Variants in CACNA1C observed in about 807,000 individuals in gnomAD.
The protein encoded by CACNA1C is calcium voltage-gated channel subunit alpha1 C, also known as voltage-dependent L-type calcium channel subunit alpha-1C.
In CACNA1C, 30 loss-of-function variants were observed where a neutral mutation model predicts 229.0. That is an observed-to-expected ratio of 0.13 (90% CI 0.10 to 0.18). CACNA1C has a LOEUF of 0.18. Among genes scored for constraint, CACNA1C ranks in the 10% least tolerant of loss-of-function variants. CACNA1C has a pLI of 1.00. For missense variants in CACNA1C, 1,658 were observed against 2,845.0 expected (o/e 0.58, Z 9.49); for synonymous variants, 1,114 against 1,132.5 (o/e 0.98, Z 0.33).
rs114980756 is a variant in CACNA1C, at chr12:2,463,331, A to G, written c.757+5625A>G. 5.9e-3 allele frequency among the ~76,000 whole-genome samples: 904 copies of G among 152,354 alleles called. 9 individuals carry two copies. Among genetic ancestry groups the G allele is most frequent in the African/African-American group, 0.02 (828 of 41,582 alleles). On this transcript the variant is annotated intron_variant, in intron 5 of 46. Transcript: ENST00000399655. ...CCATGAGTCATTTATCAATTTGTTC[A>G]ACAAAATCGACTGAGTACTTACTTT...
In CACNA1C at chr12:2,258,423, G is replaced by GATTT. The variant is rs1566726914; in HGVS notation, c.477+137993_477+137994insATTT. ...TTTTGAAAACTCATTTTTTCCTCAAGTTTTTTTTTTAAATGTGAAATTTTA... is the reference window on the plus strand; with the variant it reads ...TTTTGAAAACTCATTTTTTCCTCAAGATTTTTTTTTTTTTAAATGTGAAATTTTA... On this transcript the variant is annotated intron_variant, in intron 3 of 46. Transcript: ENST00000399655. Among the ~76,000 whole-genome samples the GATTT allele has an allele frequency of 8.4e-3, 1,260 of 149,708 alleles. 14 individuals are homozygous for GATTT. Among genetic ancestry groups the GATTT allele is most frequent in the African/African-American group, 0.03 (1,209 of 40,930 alleles).
intron 31 of CACNA1C, 113 bp downstream of exon 31, chr12:2,648,620 A>G: frequency 2.4e-6 from 2 of 849,286 alleles, no homozygotes; most frequent in South Asian, 1.4e-5. Context: ...CTCTCACTGC[A>G]TGTGGCCACT....
At chr12:2,470,917 C>T (rs550107926) in intron 5 of CACNA1C, among the ~76,000 whole-genome samples, 1 of 151,958 alleles carries the variant, frequency 6.6e-6, no homozygotes, top group Admixed American at 6.6e-5. Flanking sequence ...ACTGCAACCA[C>T]CCCCTCCCGG....
chr12:2,392,925 G>C (rs1225933433), intron 3 of CACNA1C, among the ~76,000 whole-genome samples: 1 of 152,110 alleles, frequency 6.6e-6, no homozygotes, highest in Non-Finnish European at 1.5e-5. Context: ...GAAATTCCTG[G>C]ACCAATCCTT....
chr12:2,140,455 G>A (rs1201568142), intron 3 of CACNA1C, among the ~76,000 whole-genome samples: 2 of 151,260 alleles, frequency 1.3e-5, no homozygotes, highest in African/African-American at 2.4e-5. Flanking sequence ...CATGGACTAG[G>A]GATTCTGGCA....
chr12:2,449,307 G>C (rs1401386694), intron 4 of CACNA1C, among the ~76,000 whole-genome samples, 192 bp downstream of exon 4: 1 of 152,148 alleles, frequency 6.6e-6, no homozygotes, highest in Admixed American at 6.5e-5. Flanking sequence ...CAAAGTGAGA[G>C]AGTGCGCTTC....
chr12:2,149,913 C>A (rs1328095488), intron 3 of CACNA1C, among the ~76,000 whole-genome samples: 1 of 152,136 alleles, frequency 6.6e-6, no homozygotes, highest in African/African-American at 2.4e-5. Flanking sequence ...AAGGACCAAA[C>A]TGGAATTATG....
At chr12:2,472,207 TC>T (rs1374461984) in intron 5 of CACNA1C, among the ~76,000 whole-genome samples, 1 of 152,184 alleles carries the variant, frequency 6.6e-6, no homozygotes, top group Non-Finnish European at 1.5e-5. Context: ...TTTTTTGTAC[TC>T]CATTCTCACT....
intron 3 of CACNA1C, among the ~76,000 whole-genome samples, chr12:2,373,173 G>T (rs1487889632): frequency 6.6e-6 from 1 of 152,142 alleles, no homozygotes; most frequent in Admixed American, 6.5e-5. Context: ...TCATTTGAGT[G>T]CCTTTCAGCC....
Position 2,690,823 on chromosome 12 carries a change from C to T in CACNA1C, c.6118-77C>T. On this transcript the variant is annotated intron_variant, in intron 46 of 46. Transcript: ENST00000399655. ...GTGACCTACCAGATACCCCCTCGCT[C>T]TAGCCCTCAAGGGAAGAGCTGGGCT... 4 of 1,400,544 alleles carry T rather than the reference C, an allele frequency of 2.9e-6. No homozygotes were observed. The South Asian group carries it at 5.9e-5, about 21-fold the overall frequency. 86.8% of individuals were successfully genotyped at this position (1,400,544 alleles called of 1,614,324 possible).
chr12:2,020,021 TTCTC>T (rs1466154004), intron 1 of CACNA1C: 1 of 152,286 alleles, frequency 6.6e-6, no homozygotes, highest in Admixed American at 6.5e-5. Context: ...TTCTCTCTCT[TTCTC>T]TCTCTGACAG....
chr12:2,499,805 T>C (rs78130762), intron 7 of CACNA1C, among the ~76,000 whole-genome samples: 2 of 140,000 alleles, frequency 1.4e-5, no homozygotes, highest in South Asian at 4.4e-4. Flanking sequence ...ATCTGGGTCA[T>C]TTTTTTTTTT....
intron 3 of CACNA1C, among the ~76,000 whole-genome samples, chr12:2,164,183 C>G (rs1251983012): frequency 1.3e-5 from 2 of 152,208 alleles, no homozygotes; most frequent in African/African-American, 4.8e-5. Context: ...TATCCCCTTG[C>G]ACCATTTTAT....
intron 3 of CACNA1C, 74 bp from the exon 4 acceptor site, chr12:2,448,902 T>C: frequency 7.8e-7 from 1 of 1,286,012 alleles, no homozygotes; most frequent in East Asian, 2.4e-5. Flanking sequence ...ACTTGTGAGA[T>C]CTACTGGTTC....
At chr12:2,311,392 A>T (rs916336834) in intron 3 of CACNA1C, among the ~76,000 whole-genome samples, 1 of 152,214 alleles carries the variant, frequency 6.6e-6, no homozygotes, top group Non-Finnish European at 1.5e-5. Flanking sequence ...CAAGCCTGCA[A>T]TTAACTGTTT....
At chr12:2,066,996 A>G (rs1266692253) in intron 1 of CACNA1C, among the ~76,000 whole-genome samples, 1 of 152,128 alleles carries the variant, frequency 6.6e-6, no homozygotes, top group African/African-American at 2.4e-5. Context: ...AAAGAAATCC[A>G]CAAGGGTGCC....
chr12:2,635,686 T>G (rs1217671396), intron 30 of CACNA1C, among the ~76,000 whole-genome samples: 1 of 152,154 alleles, frequency 6.6e-6, no homozygotes, highest in African/African-American at 2.4e-5. Flanking sequence ...GTCACACTTG[T>G]CATATGTCCC....
chr12:2,232,569 T>TG (rs2065767651), intron 3 of CACNA1C, among the ~76,000 whole-genome samples: 1 of 152,144 alleles, frequency 6.6e-6, no homozygotes, highest in South Asian at 2.1e-4. Context: ...ATAAGTATCC[T>TG]GGGGGAGATA....
chr12:2,037,164 A>G (rs1458937583), intron 1 of CACNA1C, among the ~76,000 whole-genome samples: 2 of 152,150 alleles, frequency 1.3e-5, no homozygotes, highest in Non-Finnish European at 2.9e-5. Context: ...CCTCATCTAT[A>G]CATAGGAGTA....
Sources: gnomAD v4.1 joint callset for allele counts (sites outside exome capture counted in the v4.1 genomes callset) on GRCh38, gnomAD v4.1.1 for gene constraint, MANE v1.5 for transcripts, NCBI Gene and HGNC (gene_info 2026-07-23, HGNC 2026-07-21) for gene names.